Variants in ZRANB3 observed in about 807,000 individuals in gnomAD.
The protein encoded by ZRANB3 is zinc finger RANBP2-type containing 3.
In ZRANB3, 125 loss-of-function variants were observed where a neutral mutation model predicts 133.8. The observed-to-expected ratio is 0.93, with a 90% CI of 0.81 to 1.08. ZRANB3 has a LOEUF of 1.08. Among genes scored for constraint, ZRANB3 ranks in the 50% least tolerant of loss-of-function variants. The probability of loss-of-function intolerance (pLI) is 0.00; values close to 1 mark genes in which losing one functional copy is unlikely to be tolerated. For missense variants in ZRANB3, 1,229 were observed against 1,275.5 expected, an observed-to-expected ratio of 0.96 and a Z score of 0.56; for synonymous variants, 387 against 432.7, an observed-to-expected ratio of 0.89 and a Z score of 1.31.
At chr2:135,395,386 C>G (rs1464095627) in intron 2 of ZRANB3, among the ~76,000 whole-genome samples, 1 of 150,270 alleles carries the variant, frequency 6.7e-6, no homozygotes, top group Non-Finnish European at 1.5e-5. Flanking sequence ...AATCATGAAA[C>G]TACTACAAGG....
At chr2:135,201,636 G>A (rs981294574) in intron 20 of ZRANB3, among the ~76,000 whole-genome samples, 13 of 149,080 alleles carry the variant, frequency 8.7e-5, no homozygotes, top group Non-Finnish European at 3.0e-5. Context: ...TCACACTCCA[G>A]CCTGGGTGAC....
intron 8 of ZRANB3, among the ~76,000 whole-genome samples, chr2:135,312,166 T>G: frequency 6.8e-6 from 1 of 146,942 alleles, no homozygotes; most frequent in East Asian, 2.0e-4. Flanking sequence ...ATTTTTATTT[T>G]ATTTTATTTT....
chr2:135,356,030 C>A (rs1268446194), intron 3 of ZRANB3, among the ~76,000 whole-genome samples: 1 of 152,100 alleles, frequency 6.6e-6, no homozygotes, highest in African/African-American at 2.4e-5. Context: ...TAACAATGTT[C>A]TGTGTTGGCT....
intron 1 of ZRANB3, among the ~76,000 whole-genome samples, chr2:135,505,699 T>C (rs1182508962): frequency 6.6e-6 from 1 of 152,164 alleles, no homozygotes; most frequent in Non-Finnish European, 1.5e-5. Flanking sequence ...ACAAAGCAAG[T>C]ATTTATTTAT....
intron 1 of ZRANB3, among the ~76,000 whole-genome samples, chr2:135,505,914 A>G: frequency 6.6e-6 from 1 of 152,218 alleles, no homozygotes. Flanking sequence ...TTAAGAGAGT[A>G]CTGGTCACTT....
chr2:135,237,501 T>C (rs1324892892), intron 12 of ZRANB3, among the ~76,000 whole-genome samples: 2 of 151,710 alleles, frequency 1.3e-5, no homozygotes, highest in East Asian at 1.9e-4. Context: ...CGTATGTTTA[T>C]TGCGGCATTA....
At chr2:135,300,783 A>G (rs1278245523) in intron 8 of ZRANB3, among the ~76,000 whole-genome samples, 1 of 152,166 alleles carries the variant, frequency 6.6e-6, no homozygotes, top group Non-Finnish European at 1.5e-5. Context: ...CATCTAGATT[A>G]TCAGTGAGCA....
intron 2 of ZRANB3, among the ~76,000 whole-genome samples, chr2:135,408,831 C>G (rs552076810): frequency 1.3e-3 from 168 of 127,484 alleles, no homozygotes; most frequent in Non-Finnish European, 1.9e-3. Context: ...GTTGTGGGGT[C>G]GGGGGATGGG....
At chr2:135,515,556 A>T (rs1039729797) in intron 1 of ZRANB3, among the ~76,000 whole-genome samples, 22 of 152,186 alleles carry the variant, frequency 1.4e-4, no homozygotes, top group Admixed American at 1.4e-3. Context: ...GTAGTCATTC[A>T]GGAGCAGGTT....
At chr2:135,405,943 T>G (rs928590220) in intron 2 of ZRANB3, among the ~76,000 whole-genome samples, 2 of 152,038 alleles carry the variant, frequency 1.3e-5, no homozygotes, top group African/African-American at 4.8e-5. Flanking sequence ...ATTCCAAATC[T>G]AGCAGAAGGC....
chr2:135,517,962 G>A (rs1176536231), intron 1 of ZRANB3, among the ~76,000 whole-genome samples: 1 of 152,152 alleles, frequency 6.6e-6, no homozygotes, highest in Non-Finnish European at 1.5e-5. Flanking sequence ...TGCTCAGAGA[G>A]GAGGAATATA....
chr2:135,512,784 A>T (rs989449209), intron 1 of ZRANB3, among the ~76,000 whole-genome samples: 5 of 152,050 alleles, frequency 3.3e-5, no homozygotes, highest in African/African-American at 1.2e-4. Flanking sequence ...TTTAGCCTCA[A>T]AATATATCTT....
chr2:135,358,831 T>C (rs1685550081), intron 3 of ZRANB3, among the ~76,000 whole-genome samples: 1 of 152,022 alleles, frequency 6.6e-6, no homozygotes, highest in African/African-American at 2.4e-5. Flanking sequence ...CCCAATTGTG[T>C]ACAAGCAGAT....
At chr2:135,273,696 G>A (rs1012617307) in intron 9 of ZRANB3, among the ~76,000 whole-genome samples, 1 of 152,160 alleles carries the variant, frequency 6.6e-6, no homozygotes, top group South Asian at 2.1e-4. Flanking sequence ...GTGCCACCAC[G>A]CCCGGCTAAT....
At chr2:135,271,969 T>C in intron 9 of ZRANB3, 82 bp from the exon 10 acceptor site, 1 of 1,352,254 alleles carries the variant, frequency 7.4e-7, no homozygotes, top group Non-Finnish European at 9.6e-7. Context: ...AGCTTATTTT[T>C]ATGGTCACAT....
At chr2:135,338,911 CTT>C (rs1684499500) in intron 6 of ZRANB3, among the ~76,000 whole-genome samples, 1 of 152,046 alleles carries the variant, frequency 6.6e-6, no homozygotes, top group South Asian at 2.1e-4. Flanking sequence ...GTAAGATAAA[CTT>C]ATATTTTAAT....
intron 2 of ZRANB3, among the ~76,000 whole-genome samples, chr2:135,424,242 T>C (rs918491996): frequency 4.6e-5 from 7 of 151,830 alleles, no homozygotes; most frequent in Non-Finnish European, 1.0e-4. Context: ...AATATAAAAG[T>C]TCAATAGAAG....
At position 135,265,557 on chromosome 2, in the gene ZRANB3, T is replaced by C; in HGVS notation, c.1516A>G (p.Arg506Gly). The C allele has an allele frequency of 6.2e-7, 1 of 1,613,542 alleles. No homozygotes were observed. Among genetic ancestry groups the C allele is most frequent in the Non-Finnish European group, 8.5e-7 (1 of 1,179,724 alleles). The change falls in exon 12 of 21, where the codon AGG (arginine) becomes GGG (glycine). Residue 506 changes from arginine (R) to glycine (G), a missense_variant. Physicochemically the swap from Arg to Gly is moderately radical, Grantham distance 125. Coordinates refer to ENST00000264159, the MANE Select transcript of ZRANB3 (RefSeq NM_032143.4). Reference sequence around the variant, plus strand: ...ACGTGAGTGAACAAAGCTTCCTTCCTTAACTCTTCAGAACTGTCATTTGGA... The same window carrying C: ...ACGTGAGTGAACAAAGCTTCCTTCCCTAACTCTTCAGAACTGTCATTTGGA... ...WTPNDSSEEL[R>G]KEALFTHFEK...
At chr2:135,345,705 C>T in intron 5 of ZRANB3, 70 bp from the exon 6 acceptor site, 1 of 1,124,934 alleles carries the variant, frequency 8.9e-7, no homozygotes, top group Non-Finnish European at 1.3e-6. Flanking sequence ...ATGATAAAAC[C>T]ATTTAACAAA....
Sources: allele counts gnomAD v4.1 joint callset (sites outside exome capture counted in the v4.1 genomes callset), GRCh38; gene constraint gnomAD v4.1.1; transcripts MANE v1.5; gene names NCBI Gene and HGNC (gene_info 2026-07-23, HGNC 2026-07-21).